Variants in CSNK1G3 observed in about 807,000 individuals in gnomAD.
CSNK1G3 encodes casein kinase 1 gamma 3.
CSNK1G3 carries 23 observed loss-of-function variants against 64.3 expected under a neutral mutation model. That is an observed-to-expected ratio of 0.36 (90% CI 0.26 to 0.51). The LOEUF is 0.51. Among genes scored for constraint, CSNK1G3 ranks in the 20% least tolerant of loss-of-function variants. CSNK1G3 has a pLI of 0.96. For synonymous variants in CSNK1G3, 158 were observed against 162.2 expected (o/e 0.97, Z 0.20); for missense variants, 357 against 510.5 (o/e 0.70, Z 2.90).
intron 4 of CSNK1G3, among the ~76,000 whole-genome samples, chr5:123,564,329 A>G (rs944121889): frequency 4.6e-5 from 7 of 152,098 alleles, no homozygotes; most frequent in South Asian, 2.1e-4. Context: ...AATTAAGCAC[A>G]TAGGAATCTT....
intron 6 of CSNK1G3, among the ~76,000 whole-genome samples, chr5:123,579,925 A>G (rs900627609): frequency 3.9e-5 from 6 of 151,984 alleles, no homozygotes; most frequent in Admixed American, 2.0e-4. Flanking sequence ...CTAAGATTAC[A>G]TGAATTCCTA....
chr5:123,608,385 T>C (rs1795732993), intron 12 of CSNK1G3, among the ~76,000 whole-genome samples: 1 of 152,206 alleles, frequency 6.6e-6, no homozygotes, highest in African/African-American at 2.4e-5. Flanking sequence ...GCTGATTAGC[T>C]TCATTAGTAA....
chr5:123,519,761 G>T (rs893540784), intron 1 of CSNK1G3, among the ~76,000 whole-genome samples: 1 of 152,118 alleles, frequency 6.6e-6, no homozygotes, highest in African/African-American at 2.4e-5. Context: ...AGGACCATAG[G>T]ATTTTAGACT....
chr5:123,603,270 T>TA (rs1194005147), intron 10 of CSNK1G3, among the ~76,000 whole-genome samples: 12 of 150,116 alleles, frequency 8.0e-5, no homozygotes, highest in Non-Finnish European at 1.5e-5. Context: ...GAGTTATATA[T>TA]TTTTTTTTTC....
intron 4 of CSNK1G3, among the ~76,000 whole-genome samples, chr5:123,568,807 C>T (rs1340657578): frequency 1.3e-5 from 2 of 152,136 alleles, no homozygotes; most frequent in African/African-American, 4.8e-5. Context: ...CTGCTATATA[C>T]GACCCATTTT....
At chr5:123,553,682 C>G (rs1784104083) in intron 3 of CSNK1G3, among the ~76,000 whole-genome samples, 1 of 152,166 alleles carries the variant, frequency 6.6e-6, no homozygotes, top group Admixed American at 6.5e-5. Flanking sequence ...TGGAATTATT[C>G]TGAAGTTTTC....
chr5:123,597,540 C>T (rs1218533077), intron 10 of CSNK1G3, among the ~76,000 whole-genome samples: 1 of 152,100 alleles, frequency 6.6e-6, no homozygotes, highest in Non-Finnish European at 1.5e-5. Flanking sequence ...GAAAATCATT[C>T]CAGGCTGTTT....
At chr5:123,604,803 C>A in exon 11 of CSNK1G3, 1 of 1,610,516 alleles carries the variant, frequency 6.2e-7, no homozygotes, top group Admixed American at 1.7e-5. Context: ...ACAGCCCCTA[C>A]TGAAGTAGAA....
Position 123,545,502 on chromosome 5 carries a change from A to C in CSNK1G3, c.-162A>C. On this transcript the variant is annotated 5_prime_UTR_variant, in exon 2 of 13. An upstream start codon of the reference 5' UTR is lost. Coordinates refer to ENST00000345990, the Ensembl canonical transcript of CSNK1G3. ...AAAGACACTAAGAAAAATTTTACGA[A>C]TGGGATGAACATGCTCCAGTTAATT... The C allele has an allele frequency of 4.0e-6, 2 of 502,298 alleles. No homozygotes were observed. Among genetic ancestry groups the C allele is most frequent in the Non-Finnish European group, 6.9e-6 (2 of 291,482 alleles). The allele number at this position is 502,298 out of a possible 1,614,324, so 31.1% of individuals were successfully genotyped here.
chr5:123,594,628 CTCA>C (rs779572549), intron 10 of CSNK1G3, among the ~76,000 whole-genome samples: 2 of 152,080 alleles, frequency 1.3e-5, no homozygotes, highest in African/African-American at 2.4e-5. Flanking sequence ...AAAATAGCTC[CTCA>C]TCAGAAAACC....
chr5:123,550,367 T>C (rs1334595279), intron 2 of CSNK1G3, among the ~76,000 whole-genome samples: 1 of 152,186 alleles, frequency 6.6e-6, no homozygotes, highest in Non-Finnish European at 1.5e-5. Context: ...GGCAGGAGCA[T>C]ATACATTCCT....
intron 1 of CSNK1G3, among the ~76,000 whole-genome samples, chr5:123,526,840 T>TTGTG (rs34275675): frequency 0.049 from 6,148 of 126,634 alleles, 186 homozygotes; most frequent in South Asian, 0.079. Context: ...CATGTACAGA[T>TTGTG]TGTGTGTGTG....
At chr5:123,519,116 T>C (rs2149939271) in intron 1 of CSNK1G3, among the ~76,000 whole-genome samples, 1 of 152,232 alleles carries the variant, frequency 6.6e-6, no homozygotes, top group Non-Finnish European at 1.5e-5. Context: ...TGCCATGGCA[T>C]GATCTCGGTT....
intron 10 of CSNK1G3, among the ~76,000 whole-genome samples, chr5:123,592,528 G>T (rs1399830641): frequency 6.6e-6 from 1 of 151,858 alleles, no homozygotes; most frequent in East Asian, 1.9e-4. Flanking sequence ...CTATCACACT[G>T]AGTTAAGGAG....
intron 1 of CSNK1G3, among the ~76,000 whole-genome samples, chr5:123,543,652 A>C (rs137980867): frequency 1.2e-4 from 19 of 152,196 alleles, no homozygotes; most frequent in African/African-American, 4.3e-4. Context: ...AATTGCTCCT[A>C]GCCAGAGAGC....
chr5:123,579,346 C>G (rs540993775), intron 6 of CSNK1G3, among the ~76,000 whole-genome samples: 15 of 147,638 alleles, frequency 1.0e-4, no homozygotes, highest in African/African-American at 3.5e-4. Context: ...TTATGAAACA[C>G]AAGTTTTATT....
intron 2 of CSNK1G3, among the ~76,000 whole-genome samples, chr5:123,546,718 G>T (rs1302375534): frequency 6.6e-6 from 1 of 151,912 alleles, no homozygotes; most frequent in Non-Finnish European, 1.5e-5. Flanking sequence ...ATTCAATCCT[G>T]CTGCTAGAAA....
At position 123,579,694 on chromosome 5, in the gene CSNK1G3, T is replaced by C. The variant is rs988787859; in HGVS notation, c.673+3731T>C. ...GTGAGTGTGATATGTTTGTCATTGTTAGGAAAAGTCATCAGTACCTAGGAA... is the reference window on the plus strand; with the variant it reads ...GTGAGTGTGATATGTTTGTCATTGTCAGGAAAAGTCATCAGTACCTAGGAA... On this transcript the variant is annotated intron_variant, in intron 6 of 12. Transcript: ENST00000345990. 4.5e-4 allele frequency among the ~76,000 whole-genome samples: 69 copies of C among 152,096 alleles called. 1 individual carries two copies.
chr5:123,576,091 T>C (rs1789102372), intron 6 of CSNK1G3, 128 bp downstream of exon 6: 2 of 589,164 alleles, frequency 3.4e-6, no homozygotes, highest in East Asian at 5.7e-5. Context: ...ATTTATCACA[T>C]CTACCTAGAG....
Sources: allele counts gnomAD v4.1 joint callset (sites outside exome capture counted in the v4.1 genomes callset), GRCh38; gene constraint gnomAD v4.1.1; transcripts MANE v1.5; gene names NCBI Gene and HGNC (gene_info 2026-07-23, HGNC 2026-07-21).